CFAP96: variants seen among roughly 807,000 people sequenced by gnomAD.
The protein encoded by CFAP96 is cilia and flagella associated protein 96.
chr4:185,443,643 C>G, the CFAP96 span, among the ~76,000 whole-genome samples: 1 of 151,638 alleles, frequency 6.6e-6, no homozygotes, highest in African/African-American at 2.4e-5. Flanking sequence ...GCCACAGTGC[C>G]TGGCCTATTT....
chr4:185,443,925 T>C, the CFAP96 span, among the ~76,000 whole-genome samples: 138 of 1,556 alleles, frequency 0.089, 2 homozygotes, highest in African/African-American at 0.13. Context: ...ATCTTTCTTT[T>C]TTTTTTTTTT....
At chr4:185,448,015 G>T in the CFAP96 span, among the ~76,000 whole-genome samples, 1 of 152,016 alleles carries the variant, frequency 6.6e-6, no homozygotes, top group East Asian at 1.9e-4. Context: ...TTGGAAATAC[G>T]TTTTGTCTTT....
chr4:185,448,434 T>C, the CFAP96 span, among the ~76,000 whole-genome samples: 1 of 152,222 alleles, frequency 6.6e-6, no homozygotes, highest in Non-Finnish European at 1.5e-5. Flanking sequence ...TTATCTACTC[T>C]TTGTAGCACT....
chr4:185,413,977 T>C, the CFAP96 span: 2 of 1,055,186 alleles, frequency 1.9e-6, no homozygotes, highest in East Asian at 5.7e-5. Context: ...ATATAGGTTA[T>C]AAAAGTTTCC....
At chr4:185,419,344 A>G in the CFAP96 span, among the ~76,000 whole-genome samples, 1 of 151,922 alleles carries the variant, frequency 6.6e-6, no homozygotes, top group African/African-American at 2.4e-5. Context: ...GTTAGCCAGG[A>G]TGGTCTCGAT....
the CFAP96 span, chr4:185,425,782 T>C: frequency 6.4e-7 from 1 of 1,557,418 alleles, no homozygotes; most frequent in South Asian, 1.2e-5. Context: ...GACCAGCTCC[T>C]TTCAGGCGCT....
the CFAP96 span, among the ~76,000 whole-genome samples, chr4:185,424,189 C>A: frequency 6.6e-6 from 1 of 151,900 alleles, no homozygotes; most frequent in East Asian, 1.9e-4. Flanking sequence ...CACCTGTAGT[C>A]CAGCTACTCG....
At chr4:185,439,896 CAT>C in the CFAP96 span, among the ~76,000 whole-genome samples, 1 of 146,624 alleles carries the variant, frequency 6.8e-6, no homozygotes, top group Non-Finnish European at 1.5e-5. Context: ...ACATATCTCA[CAT>C]ATACACATAT....
the CFAP96 span, among the ~76,000 whole-genome samples, chr4:185,410,308 T>C: frequency 6.6e-6 from 1 of 152,150 alleles, no homozygotes; most frequent in Admixed American, 6.5e-5. Flanking sequence ...ACCTATAAGA[T>C]ACACTAAAAG....
the CFAP96 span, among the ~76,000 whole-genome samples, chr4:185,430,351 A>T: frequency 3.9e-5 from 6 of 152,202 alleles, no homozygotes; most frequent in East Asian, 3.8e-4. Context: ...ATTGTTAAAT[A>T]AAAAAAGCAA....
the CFAP96 span, among the ~76,000 whole-genome samples, chr4:185,423,460 G>A: frequency 6.6e-6 from 1 of 152,164 alleles, no homozygotes; most frequent in Non-Finnish European, 1.5e-5. Flanking sequence ...GCTTGATCTA[G>A]TGATATGCAT....
chr4:185,414,489 C>T, the CFAP96 span, among the ~76,000 whole-genome samples: 1 of 152,158 alleles, frequency 6.6e-6, no homozygotes, highest in African/African-American at 2.4e-5. Context: ...AAAAGATCAG[C>T]TCCTGTAGCT....
the CFAP96 span, chr4:185,418,593 A>G: frequency 6.2e-7 from 1 of 1,613,016 alleles, no homozygotes; most frequent in Admixed American, 1.7e-5. Flanking sequence ...TCACTGAATA[A>G]AGCGCAGTAT....
At chr4:185,417,303 T>TCC in the CFAP96 span, among the ~76,000 whole-genome samples, 1 of 152,200 alleles carries the variant, frequency 6.6e-6, no homozygotes, top group African/African-American at 2.4e-5. Flanking sequence ...CAATTACTGG[T>TCC]AATTTTCAAA....
the CFAP96 span, among the ~76,000 whole-genome samples, chr4:185,420,604 GAT>G: frequency 3.9e-5 from 6 of 152,216 alleles, no homozygotes; most frequent in East Asian, 3.9e-4. Context: ...AAAATATTTT[GAT>G]ATGTTTCAGA....
At chr4:185,412,371 C>T in the CFAP96 span, among the ~76,000 whole-genome samples, 41 of 152,176 alleles carry the variant, frequency 2.7e-4, no homozygotes, top group Non-Finnish European at 3.8e-4. Flanking sequence ...CCTGAGTACA[C>T]TCTAATGACC....
the CFAP96 span, among the ~76,000 whole-genome samples, chr4:185,443,921 C>CT: frequency 2.3e-4 from 19 of 82,830 alleles, 1 homozygote; most frequent in African/African-American, 7.9e-4. Context: ...CTATATCTTT[C>CT]TTTTTTTTTT....
At chr4:185,443,342 A>ATATATTT in the CFAP96 span, among the ~76,000 whole-genome samples, 12 of 26,724 alleles carry the variant, frequency 4.5e-4, no homozygotes, top group South Asian at 8.4e-3. Context: ...ATATATATAT[A>ATATATTT]TTTTTTTTTT....
the CFAP96 span, chr4:185,445,150 A>C: frequency 4.5e-6 from 7 of 1,540,668 alleles, no homozygotes; most frequent in African/African-American, 6.9e-5. Context: ...TCTTACACTT[A>C]GCTTACAAAC....
Sources: allele counts gnomAD v4.1 joint callset (sites outside exome capture counted in the v4.1 genomes callset), GRCh38; gene constraint gnomAD v4.1.1; transcripts MANE v1.5; gene names NCBI Gene and HGNC (gene_info 2026-07-23, HGNC 2026-07-21).